Variants in LRCH1 observed in about 807,000 individuals in gnomAD.
LRCH1 encodes the protein leucine rich repeats and calponin homology domain containing 1, also known as leucine-rich repeat and calponin homology domain-containing protein 1.
A neutral mutation model predicts 94.9 loss-of-function variants in LRCH1; 23 were observed. The ratio of observed to expected loss-of-function variants is 0.24; its 90% CI spans 0.17 to 0.34. The LOEUF is 0.34. Ranked by LOEUF, LRCH1 falls within the 10% of genes least tolerant of loss-of-function variation. The pLI, the probability that LRCH1 is intolerant of heterozygous loss-of-function variation, is 1.00. For synonymous variants in LRCH1, 364 were observed against 354.9 expected, an observed-to-expected ratio of 1.03 and a Z score of -0.29; for missense variants, 790 against 945.9, an observed-to-expected ratio of 0.84 and a Z score of 2.16.
At chr13:46,614,166 A>G (rs2050779164) in intron 1 of LRCH1, among the ~76,000 whole-genome samples, 1 of 152,182 alleles carries the variant, frequency 6.6e-6, no homozygotes, top group African/African-American at 2.4e-5. Flanking sequence ...TTTGTAATAT[A>G]TAATGCAATA....
At chr13:46,652,558 T>A (rs2051321214) in intron 2 of LRCH1, among the ~76,000 whole-genome samples, 2 of 152,230 alleles carry the variant, frequency 1.3e-5, no homozygotes, top group South Asian at 4.1e-4. Flanking sequence ...TTTTGAATTT[T>A]CTTGCTGTTT....
intron 8 of LRCH1, 45 bp from the exon 9 acceptor site, chr13:46,694,848 T>C (rs1368185491): frequency 3.7e-6 from 6 of 1,608,512 alleles, no homozygotes; most frequent in Non-Finnish European, 3.4e-6. Flanking sequence ...TTTGCTCTTC[T>C]GTTCATGAAA....
At chr13:46,691,496 A>C (rs1870893121) in intron 7 of LRCH1, among the ~76,000 whole-genome samples, 1 of 152,200 alleles carries the variant, frequency 6.6e-6, no homozygotes, top group Admixed American at 6.5e-5. Context: ...GAAATGCCCG[A>C]GGGTCGATAA....
chr13:46,623,323 T>A (rs79804116), intron 1 of LRCH1, among the ~76,000 whole-genome samples: 1 of 151,938 alleles, frequency 6.6e-6, no homozygotes, highest in Admixed American at 6.5e-5. Context: ...GGCATAGAGA[T>A]GGTAATGGTG....
intron 1 of LRCH1, among the ~76,000 whole-genome samples, chr13:46,607,428 TG>T (rs986949024): frequency 5.3e-5 from 8 of 152,208 alleles, no homozygotes; most frequent in Admixed American, 1.3e-4. Context: ...TATTTTGTTT[TG>T]GTGCTTTTCT....
At chr13:46,577,698 T>C (rs1331882174) in intron 1 of LRCH1, among the ~76,000 whole-genome samples, 1 of 152,232 alleles carries the variant, frequency 6.6e-6, no homozygotes, top group South Asian at 2.1e-4. Flanking sequence ...AGAATGCAGT[T>C]GCAACAGTTT....
At chr13:46,627,475 G>T (rs1247272940) in intron 1 of LRCH1, among the ~76,000 whole-genome samples, 1 of 151,276 alleles carries the variant, frequency 6.6e-6, no homozygotes, top group Non-Finnish European at 1.5e-5. Context: ...TAAAAAAATC[G>T]AGAAGTTGAA....
intron 1 of LRCH1, among the ~76,000 whole-genome samples, chr13:46,621,871 G>A (rs980455452): frequency 6.6e-6 from 1 of 152,086 alleles, no homozygotes; most frequent in African/African-American, 2.4e-5. Context: ...GTTTTGAGAC[G>A]TTTGCTTTCA....
chr13:46,728,790 T>C, intron 17 of LRCH1, 57 bp from the exon 18 acceptor site: 1 of 1,489,064 alleles, frequency 6.7e-7, no homozygotes, highest in South Asian at 1.4e-5. Context: ...AAATGTATTT[T>C]ACTCACAGTT....
intron 1 of LRCH1, among the ~76,000 whole-genome samples, chr13:46,632,670 T>C (rs190808089): frequency 1.2e-4 from 18 of 152,328 alleles, no homozygotes; most frequent in Admixed American, 8.5e-4. Context: ...ACAGTATCTC[T>C]TTTCAGAGGT....
At chr13:46,555,137 A>T (rs1234249264) in intron 1 of LRCH1, among the ~76,000 whole-genome samples, 1 of 152,220 alleles carries the variant, frequency 6.6e-6, no homozygotes, top group Non-Finnish European at 1.5e-5. Flanking sequence ...AAAAGAGGGA[A>T]TTTCCAAAGT....
At chr13:46,690,115 T>C (rs1056694475) in intron 7 of LRCH1, among the ~76,000 whole-genome samples, 165 of 152,244 alleles carry the variant, frequency 1.1e-3, no homozygotes, top group African/African-American at 3.8e-3. Context: ...TGAATTTTAA[T>C]AGGTAGCTAA....
At chr13:46,752,432 A>T (rs764566966) in exon 19 of LRCH1, 1 of 152,246 alleles carries the variant, frequency 6.6e-6, no homozygotes, top group African/African-American at 2.4e-5. Flanking sequence ...TCTTGGGAAG[A>T]TGGGGGGAGG....
At chr13:46,571,978 G>A (rs2050246411) in intron 1 of LRCH1, among the ~76,000 whole-genome samples, 1 of 152,094 alleles carries the variant, frequency 6.6e-6, no homozygotes, top group East Asian at 1.9e-4. Flanking sequence ...CCACAGAGGG[G>A]GAGTTATTTT....
chr13:46,668,316 AC>A (rs1345336579), intron 2 of LRCH1, among the ~76,000 whole-genome samples: 1 of 152,152 alleles, frequency 6.6e-6, no homozygotes, highest in African/African-American at 2.4e-5. Context: ...CAGAGATGAG[AC>A]ATCAACTTAG....
intron 1 of LRCH1, among the ~76,000 whole-genome samples, chr13:46,583,834 C>T (rs9534432): frequency 0.78 from 117,964 of 150,866 alleles, 46,320 homozygotes; most frequent in East Asian, 0.91. Flanking sequence ...AATCTCCGCT[C>T]ACTGCAACCT....
At chr13:46,738,298 C>A (rs1278164831) in intron 19 of LRCH1, among the ~76,000 whole-genome samples, 2 of 152,142 alleles carry the variant, frequency 1.3e-5, no homozygotes, top group African/African-American at 4.8e-5. Flanking sequence ...CTGCATCAGC[C>A]AAAGGGAGTT....
intron 9 of LRCH1, among the ~76,000 whole-genome samples, chr13:46,696,780 C>A (rs1254748297): frequency 1.3e-5 from 2 of 152,190 alleles, no homozygotes; most frequent in African/African-American, 4.8e-5. Flanking sequence ...GTCTTTCAAC[C>A]TGTGCTTGGC....
At chr13:46,621,499 T>C (rs2050879207) in intron 1 of LRCH1, among the ~76,000 whole-genome samples, 1 of 152,132 alleles carries the variant, frequency 6.6e-6, no homozygotes, top group African/African-American at 2.4e-5. Context: ...CAGGCTTTCA[T>C]TTGTATCTTA....
Sources: gnomAD v4.1 joint callset for allele counts (sites outside exome capture counted in the v4.1 genomes callset) on GRCh38, gnomAD v4.1.1 for gene constraint, MANE v1.5 for transcripts, NCBI Gene and HGNC (gene_info 2026-07-23, HGNC 2026-07-21) for gene names.